The following GRK5 variants were observed in gnomAD, a reference collection of about 807,000 sequenced individuals.
GRK5 encodes g protein-coupled receptor kinase GRK5.
A neutral mutation model predicts 78.4 loss-of-function variants in GRK5; 40 were observed. The ratio of observed to expected loss-of-function variants is 0.51; its 90% CI spans 0.40 to 0.66. The LOEUF is 0.66. Among genes scored for constraint, GRK5 ranks in the 30% least tolerant of loss-of-function variants. GRK5 has a pLI of 0.00. For missense variants in GRK5, 598 were observed against 759.9 expected (o/e 0.79, Z 2.50); for synonymous variants, 289 against 296.8 (o/e 0.97, Z 0.27).
At position 119,431,187 on chromosome 10, in the gene GRK5, G is replaced by A. The variant is rs976959497; in HGVS notation, c.598-200G>A. Reference sequence around the variant, plus strand: ...AATCCTTGAAGGAGAGGAGGAGGGAGGGCAAGGGCCCAGGACAGCTGTGGG... The same window carrying A: ...AATCCTTGAAGGAGAGGAGGAGGGAAGGCAAGGGCCCAGGACAGCTGTGGG... On this transcript the variant is annotated intron_variant, in intron 7 of 15. Coordinates refer to ENST00000392870, the MANE Select transcript of GRK5 (RefSeq NM_005308.3). This position sits in a 1 kb window ranked among gnomAD's most constrained non-coding sequence, Gnocchi z 4.8. 1.3e-5 allele frequency among the ~76,000 whole-genome samples: 2 copies of A among 152,152 alleles called. No individual in the cohort carries two copies. Among genetic ancestry groups the A allele is most frequent in the Admixed American group, 6.5e-5 (1 of 15,286 alleles).
At chr10:119,227,008 G>A (rs1354870946) in intron 1 of GRK5, among the ~76,000 whole-genome samples, 6 of 152,156 alleles carry the variant, frequency 3.9e-5, no homozygotes, top group African/African-American at 7.2e-5. Flanking sequence ...ATATGCGCCC[G>A]CCAGCACATC....
rs1477687700 is a variant in GRK5, at chr10:119,321,186, C to T, written c.53-5330C>T. Reference sequence around the variant, plus strand: ...CAGGAAGGTTGGGTTTATTTCATGGCACTTTTAGAGGAACTGGAAGCCAGA... The same window carrying T: ...CAGGAAGGTTGGGTTTATTTCATGGTACTTTTAGAGGAACTGGAAGCCAGA... On this transcript the variant is annotated intron_variant, in intron 1 of 15. Transcript: ENST00000392870. Among the ~76,000 whole-genome samples the T allele has an allele frequency of 2.0e-5, 3 of 152,306 alleles. No homozygotes were observed. The East Asian group carries it at 5.8e-4, about 29-fold the overall frequency.
At chr10:119,396,034 A>G (rs1420292718) in intron 3 of GRK5, among the ~76,000 whole-genome samples, 2 of 152,260 alleles carry the variant, frequency 1.3e-5, no homozygotes, top group African/African-American at 2.4e-5. Flanking sequence ...GGAAAAGACC[A>G]GGCATCCACA....
At chr10:119,359,615 G>A (rs1003904685) in intron 2 of GRK5, among the ~76,000 whole-genome samples, 1 of 152,236 alleles carries the variant, frequency 6.6e-6, no homozygotes, top group Non-Finnish European at 1.5e-5. Context: ...CCTGGCTGCT[G>A]TGGGAGGGTA....
At chr10:119,237,690 G>A (rs547439240) in intron 1 of GRK5, among the ~76,000 whole-genome samples, 1 of 152,170 alleles carries the variant, frequency 6.6e-6, no homozygotes, top group East Asian at 1.9e-4. Flanking sequence ...AGCCGGAGAG[G>A]GGGAGGGAAC....
chr10:119,228,721 C>A (rs1286072264), intron 1 of GRK5, among the ~76,000 whole-genome samples: 1 of 152,150 alleles, frequency 6.6e-6, no homozygotes, highest in Non-Finnish European at 1.5e-5. Flanking sequence ...AGATTATGTA[C>A]AACGAATGTG....
chr10:119,434,422 A>G (rs1852881032), intron 8 of GRK5, among the ~76,000 whole-genome samples: 2 of 152,260 alleles, frequency 1.3e-5, no homozygotes, highest in East Asian at 1.9e-4. Context: ...CCTAGATACA[A>G]TGTGGGTACA....
At chr10:119,411,839 C>CTGCT (rs1564924400) in intron 4 of GRK5, among the ~76,000 whole-genome samples, 33 of 55,690 alleles carry the variant, frequency 5.9e-4, no homozygotes, top group African/African-American at 1.8e-3. Context: ...TGCAGATCTG[C>CTGCT]TTCTTTTTTT....
At chr10:119,394,922 G>C (rs1424709911) in intron 3 of GRK5, among the ~76,000 whole-genome samples, 1 of 151,048 alleles carries the variant, frequency 6.6e-6, no homozygotes, top group Non-Finnish European at 1.5e-5. Flanking sequence ...AAAAAGTCAA[G>C]AAGAAAGAGC....
At chr10:119,439,379 G>A (rs1013645392) in intron 9 of GRK5, among the ~76,000 whole-genome samples, 4 of 152,164 alleles carry the variant, frequency 2.6e-5, no homozygotes, top group African/African-American at 9.7e-5. Flanking sequence ...GCCCTGTTCT[G>A]CCTTCAGGGC....
intron 1 of GRK5, among the ~76,000 whole-genome samples, chr10:119,305,681 GA>G (rs1456696601): frequency 6.6e-5 from 10 of 152,184 alleles, no homozygotes; most frequent in Admixed American, 6.5e-4. Context: ...CACTCCCCGG[GA>G]GACACGTGTA....
rs61577450 is a variant in GRK5 at position 119,253,151 on chromosome 10, G to C, written c.52+45182G>C. Reference sequence around the variant, plus strand: ...GAGAGTTGGTGGCTCAGTGGTGACAGCACAGGTTTGACAGAGGGTGTCTAC... The same window carrying C: ...GAGAGTTGGTGGCTCAGTGGTGACACCACAGGTTTGACAGAGGGTGTCTAC... On this transcript the variant is annotated intron_variant, in intron 1 of 15. Transcript: ENST00000392870. This position sits in a 1 kb window ranked among gnomAD's most constrained non-coding sequence, Gnocchi z 5.7. 0.095 allele frequency among the ~76,000 whole-genome samples: 14,487 copies of C among 152,196 alleles called. 789 individuals carry two copies. Among genetic ancestry groups the C allele is most frequent in the Admixed American group, 0.15 (2,240 of 15,290 alleles).
At chr10:119,237,198 G>A (rs1434570299) in intron 1 of GRK5, among the ~76,000 whole-genome samples, 1 of 152,006 alleles carries the variant, frequency 6.6e-6, no homozygotes, top group East Asian at 1.9e-4. Flanking sequence ...GAGTAGCTGG[G>A]ATTACAGGCA....
intron 5 of GRK5, among the ~76,000 whole-genome samples, chr10:119,424,035 A>G (rs1274346695): frequency 6.6e-6 from 1 of 152,140 alleles, no homozygotes; most frequent in Admixed American, 6.5e-5. Flanking sequence ...AGCAACCTGC[A>G]TGCACTTTGA....
chr10:119,316,037 C>T (rs1041047605), intron 1 of GRK5, among the ~76,000 whole-genome samples: 1 of 152,206 alleles, frequency 6.6e-6, no homozygotes, highest in Non-Finnish European at 1.5e-5. Flanking sequence ...CCCCTCGCTA[C>T]CCCATGTCCT....
intron 3 of GRK5, among the ~76,000 whole-genome samples, chr10:119,392,624 G>T (rs1226895805): frequency 6.6e-6 from 1 of 152,176 alleles, no homozygotes; most frequent in East Asian, 1.9e-4. Context: ...GGCTGGTCTC[G>T]AACTCCTGAC....
chr10:119,376,216 A>G (rs550954690), intron 2 of GRK5, among the ~76,000 whole-genome samples: 2 of 152,250 alleles, frequency 1.3e-5, no homozygotes, highest in African/African-American at 4.8e-5. Flanking sequence ...TGGGCTTTCT[A>G]GACCCTTCCC....
At chr10:119,292,213 TC>T (rs149321174) in intron 1 of GRK5, among the ~76,000 whole-genome samples, 1,455 of 144,520 alleles carry the variant, frequency 0.01, 46 homozygotes, top group Admixed American at 0.028. Flanking sequence ...CTATTCCTCC[TC>T]CTCCTCTTCC....
At chr10:119,337,616 C>T (rs541843026) in intron 2 of GRK5, among the ~76,000 whole-genome samples, 5 of 152,156 alleles carry the variant, frequency 3.3e-5, no homozygotes, top group South Asian at 2.1e-4. Flanking sequence ...GTTTCCCCCC[C>T]ACTTTTTTCT....
Sources: allele counts gnomAD v4.1 joint callset (sites outside exome capture counted in the v4.1 genomes callset), GRCh38; gene constraint gnomAD v4.1.1; non-coding constraint Gnocchi (gnomAD v3.1); transcripts MANE v1.5; gene names NCBI Gene and HGNC (gene_info 2026-07-23, HGNC 2026-07-21).